The following CPQ variants were observed in gnomAD, a reference collection of about 807,000 sequenced individuals.
CPQ encodes the protein Ser-Met dipeptidase.
In CPQ, 37 loss-of-function variants were observed where a neutral mutation model predicts 45.7. That is an observed-to-expected ratio of 0.81 (90% CI 0.62 to 1.07). The LOEUF is 1.07. Among genes scored for constraint, CPQ ranks in the 50% least tolerant of loss-of-function variants. The pLI, the probability that CPQ is intolerant of heterozygous loss-of-function variation, is 0.00. For missense variants in CPQ, 537 were observed against 572.9 expected, an observed-to-expected ratio of 0.94 and a Z score of 0.64; for synonymous variants, 186 against 205.8, an observed-to-expected ratio of 0.90 and a Z score of 0.82.
At chr8:96,769,259 A>G (rs1810509502) in intron 1 of CPQ, among the ~76,000 whole-genome samples, 1 of 152,186 alleles carries the variant, frequency 6.6e-6, no homozygotes, top group African/African-American at 2.4e-5. Flanking sequence ...GCACTTTATG[A>G]GGTTAGAATC....
chr8:97,000,630 T>C (rs1809262810), intron 5 of CPQ, among the ~76,000 whole-genome samples: 1 of 152,186 alleles, frequency 6.6e-6, no homozygotes, highest in African/African-American at 2.4e-5. Context: ...CCATGCTGTT[T>C]TGGTTACTGT....
At chr8:97,021,567 G>A (rs1024052835) in intron 5 of CPQ, among the ~76,000 whole-genome samples, 2 of 151,998 alleles carry the variant, frequency 1.3e-5, no homozygotes, top group African/African-American at 4.8e-5. Flanking sequence ...TACCAATAGT[G>A]ACCAAACTGA....
intron 7 of CPQ, among the ~76,000 whole-genome samples, chr8:97,070,732 C>G (rs560906748): frequency 6.6e-6 from 1 of 152,118 alleles, no homozygotes; most frequent in Non-Finnish European, 1.5e-5. Flanking sequence ...TCTTCCCTGA[C>G]AATTTGAAAG....
intron 1 of CPQ, among the ~76,000 whole-genome samples, chr8:96,729,438 C>T (rs1290373723): frequency 6.6e-6 from 1 of 152,108 alleles, no homozygotes; most frequent in African/African-American, 2.4e-5. Context: ...AAGAGGTTTT[C>T]CTATCTTCAT....
intron 4 of CPQ, among the ~76,000 whole-genome samples, chr8:96,931,512 T>C (rs540349529): frequency 6.6e-6 from 1 of 152,304 alleles, no homozygotes; most frequent in Admixed American, 6.5e-5. Flanking sequence ...CTGGGCCTGA[T>C]ACACTCCTAG....
intron 4 of CPQ, among the ~76,000 whole-genome samples, chr8:96,965,142 C>T: frequency 6.6e-6 from 1 of 152,062 alleles, no homozygotes; most frequent in Non-Finnish European, 1.5e-5. Flanking sequence ...TGAAATCCAG[C>T]TATTTATTTA....
At chr8:97,136,965 A>G (rs2130629252) in intron 7 of CPQ, among the ~76,000 whole-genome samples, 1 of 152,142 alleles carries the variant, frequency 6.6e-6, no homozygotes, top group Non-Finnish European at 1.5e-5. Context: ...CATCTTTTAG[A>G]TCAGTAGCTG....
In CPQ at chr8:97,109,129, G is replaced by A. The variant is rs544686082; in HGVS notation, c.1256-33891G>A. 3.3e-5 allele frequency among the ~76,000 whole-genome samples: 5 copies of A among 152,128 alleles called. No individual in the cohort carries two copies. The South Asian group carries it at 1.0e-3, about 32-fold the overall frequency. On this transcript the variant is annotated intron_variant, in intron 7 of 7. Coordinates refer to ENST00000220763, the MANE Select transcript of CPQ (RefSeq NM_016134.4). Reference sequence around the variant, plus strand: ...TCTTCTTCCTGACTTCCAGACCCTTGACCCTTCCCCACCCTTCACTGGCCC... The same window carrying A: ...TCTTCTTCCTGACTTCCAGACCCTTAACCCTTCCCCACCCTTCACTGGCCC...
At chr8:96,871,798 C>T (rs115368855) in intron 3 of CPQ, among the ~76,000 whole-genome samples, 190 of 151,920 alleles carry the variant, frequency 1.3e-3, no homozygotes, top group African/African-American at 3.6e-3. Context: ...GACCCATTTA[C>T]GTGTCATAGA....
At chr8:96,992,999 A>G (rs77458047) in intron 5 of CPQ, among the ~76,000 whole-genome samples, 4,013 of 152,318 alleles carry the variant, frequency 0.026, 113 homozygotes, top group African/African-American at 0.074. Flanking sequence ...CCTGTGGGGT[A>G]GGCTGGCTCT....
intron 3 of CPQ, among the ~76,000 whole-genome samples, chr8:96,867,893 C>G (rs1375587030): frequency 1.3e-5 from 2 of 151,924 alleles, no homozygotes; most frequent in African/African-American, 4.8e-5. Flanking sequence ...TTTGTCTTCA[C>G]TGAGTCACTC....
chr8:96,901,268 A>T (rs989818662), intron 4 of CPQ, among the ~76,000 whole-genome samples: 1 of 152,158 alleles, frequency 6.6e-6, no homozygotes, highest in African/African-American at 2.4e-5. Context: ...TCATGGGGTC[A>T]GCTGAGTCTA....
intron 1 of CPQ, among the ~76,000 whole-genome samples, chr8:96,717,671 A>G (rs1031972837): frequency 3.8e-4 from 58 of 152,096 alleles, no homozygotes; most frequent in Admixed American, 1.3e-4. Flanking sequence ...ATTGGGACAT[A>G]GAGCTCCCCA....
intron 7 of CPQ, among the ~76,000 whole-genome samples, chr8:97,127,749 A>G (rs1811871752): frequency 6.6e-6 from 1 of 152,244 alleles, no homozygotes. Flanking sequence ...CATTGCTAAC[A>G]TTCACTAAAA....
Position 96,813,989 on chromosome 8 carries a change from C to CAT in CPQ, c.434-20976_434-20975dup, listed in dbSNP as rs1404300450. Among the ~76,000 whole-genome samples the CAT allele has an allele frequency of 6.9e-5, 7 of 101,746 alleles. No individual in the cohort carries two copies. In the East Asian group the frequency reaches 1.8e-3, roughly 26 times the overall value. The allele number at this position is 101,746 out of a possible 152,430, so 66.7% of individuals were successfully genotyped here. ...TAGACTAAGGACTGTCATATATATA[C>CAT]ATATATATACACACATATATATACA... On this transcript the variant is annotated intron_variant, in intron 2 of 7. Transcript: ENST00000220763.
chr8:96,731,184 A>G (rs942098829), intron 1 of CPQ, among the ~76,000 whole-genome samples: 4 of 152,072 alleles, frequency 2.6e-5, no homozygotes, highest in Non-Finnish European at 5.9e-5. Context: ...GGCTCTTTCA[A>G]TTAACTTATT....
chr8:97,087,510 TA>T (rs33971619), intron 7 of CPQ, among the ~76,000 whole-genome samples: 18,313 of 152,186 alleles, frequency 0.12, 1,902 homozygotes, highest in African/African-American at 0.28. Context: ...TTTTTTGTTA[TA>T]ATGGTAATTA....
intron 1 of CPQ, among the ~76,000 whole-genome samples, chr8:96,702,378 A>T (rs748247005): frequency 2.0e-4 from 30 of 152,198 alleles, no homozygotes; most frequent in Non-Finnish European, 2.9e-4. Context: ...GATGAGGAAG[A>T]AAAGGGGTGG....
chr8:96,897,655 G>T (rs1037265745), intron 4 of CPQ, among the ~76,000 whole-genome samples: 1 of 152,124 alleles, frequency 6.6e-6, no homozygotes, highest in Non-Finnish European at 1.5e-5. Context: ...AATTAATTTT[G>T]TGTTTACACT....
Sources: gnomAD v4.1 joint callset for allele counts (sites outside exome capture counted in the v4.1 genomes callset) on GRCh38, gnomAD v4.1.1 for gene constraint, MANE v1.5 for transcripts, NCBI Gene and HGNC (gene_info 2026-07-23, HGNC 2026-07-21) for gene names.